The following FHIT variants were observed in gnomAD, a reference collection of about 807,000 sequenced individuals.
The protein encoded by FHIT is fragile histidine triad diadenosine triphosphatase, also known as bis(5'-adenosyl)-triphosphatase.
Under a neutral mutation model 17.9 loss-of-function variants are expected in FHIT, and 19 were observed. The ratio of observed to expected loss-of-function variants is 1.06; its 90% CI spans 0.74 to 1.56. FHIT has a LOEUF of 1.56. Among genes scored for constraint, FHIT ranks in the 40% most tolerant of loss-of-function variants. The pLI is 0.00. For synonymous variants in FHIT, 81 were observed against 69.7 expected (o/e 1.16, Z -0.81); for missense variants, 248 against 189.2 (o/e 1.31, Z -1.82).
At chr3:60,701,337 G>C (rs9878383) in intron 4 of FHIT, among the ~76,000 whole-genome samples, 17,679 of 151,932 alleles carry the variant, frequency 0.12, 2,274 homozygotes, top group African/African-American at 0.32. Flanking sequence ...TTCTCAAGAC[G>C]AGGGAACTGC....
chr3:59,798,102 A>G (rs1223766381), intron 8 of FHIT, among the ~76,000 whole-genome samples: 1 of 152,190 alleles, frequency 6.6e-6, no homozygotes, highest in Non-Finnish European at 1.5e-5. Context: ...CTACTGGGAA[A>G]CATGCCAGAA....
intron 5 of FHIT, among the ~76,000 whole-genome samples, chr3:60,143,761 T>A (rs1484199153): frequency 6.6e-6 from 1 of 152,146 alleles, no homozygotes; most frequent in Non-Finnish European, 1.5e-5. Context: ...ATTAACCTTG[T>A]TACTGTAATT....
At chr3:60,429,081 T>C (rs1254422868) in intron 5 of FHIT, among the ~76,000 whole-genome samples, 1 of 152,034 alleles carries the variant, frequency 6.6e-6, no homozygotes, top group Non-Finnish European at 1.5e-5. Flanking sequence ...GACCTAGTTA[T>C]CTCTTAGGAA....
intron 4 of FHIT, among the ~76,000 whole-genome samples, chr3:60,608,978 A>G (rs782623834): frequency 6.6e-6 from 1 of 151,974 alleles, no homozygotes; most frequent in African/African-American, 2.4e-5. Context: ...TGATTCAAAT[A>G]AATATTAAAT....
intron 1 of FHIT, among the ~76,000 whole-genome samples, chr3:61,237,552 G>C (rs1355302509): frequency 6.6e-6 from 1 of 152,132 alleles, no homozygotes; most frequent in Admixed American, 6.6e-5. Context: ...ATAGTACTAT[G>C]GGAAAGGTTT....
chr3:60,382,720 T>C (rs554905632), intron 5 of FHIT, among the ~76,000 whole-genome samples: 2 of 152,334 alleles, frequency 1.3e-5, no homozygotes, highest in Non-Finnish European at 2.9e-5. Flanking sequence ...AATTGTTTTT[T>C]GGATACTGTG....
At position 61,113,148 on chromosome 3, in the gene FHIT, C is replaced by T. The variant is rs561100125; in HGVS notation, c.-163-71049G>A. On this transcript the variant is annotated intron_variant, in intron 2 of 9. Transcript: ENST00000492590. ...CACCCCAAGTAACTGGGACTACAGG[C>T]GTGCACCACCAAGACTGACTAATGT... Among the ~76,000 whole-genome samples, 18 of 152,118 alleles carry T rather than the reference C, an allele frequency of 1.2e-4. No homozygotes were observed. The South Asian group carries it at 3.3e-3, about 28-fold the overall frequency.
In FHIT at chr3:60,806,803, G is replaced by C. The variant is rs535168476; in HGVS notation, c.-18+15116C>G. Among the ~76,000 whole-genome samples the C allele has an allele frequency of 9.2e-5, 14 of 152,284 alleles. No homozygotes were observed. In the South Asian group the frequency reaches 2.9e-3, roughly 32 times the overall value. ...GTAAAAGTTTGCTGTAATTCACATA[G>C]ACTTTGCCAGGAGTGCATAGAAGGA... On this transcript the variant is annotated intron_variant, in intron 4 of 9. Transcript: ENST00000492590.
At chr3:59,934,734 G>A (rs1706146364) in intron 7 of FHIT, among the ~76,000 whole-genome samples, 1 of 152,076 alleles carries the variant, frequency 6.6e-6, no homozygotes, top group Admixed American at 6.6e-5. Flanking sequence ...GGGGCAGCAA[G>A]GAGAAGAATG....
intron 2 of FHIT, among the ~76,000 whole-genome samples, chr3:61,174,166 T>A (rs1329387024): frequency 6.6e-6 from 1 of 152,118 alleles, no homozygotes; most frequent in African/African-American, 2.4e-5. Context: ...ATGGACTCAG[T>A]TTTTACATAT....
intron 1 of FHIT, among the ~76,000 whole-genome samples, chr3:61,231,905 C>T (rs766782540): frequency 6.6e-6 from 1 of 151,980 alleles, no homozygotes; most frequent in East Asian, 1.9e-4. Flanking sequence ...TTTTGTATGC[C>T]TATATTATTG....
At chr3:60,476,676 GGGAGCGAGACACACCTGACTGAAGTTT>G (rs1237626550) in intron 5 of FHIT, among the ~76,000 whole-genome samples, 6 of 152,122 alleles carry the variant, frequency 3.9e-5, no homozygotes, top group African/African-American at 1.4e-4. Flanking sequence ...CAAGGGCCTA[GGGAGCGAGACACACCTGACTGAAGTTT>G]GGTTGATTAT....
chr3:59,962,158 A>G lies in FHIT; in HGVS notation c.280-39744T>C, dbSNP rs116134969. The stretch of plus-strand genomic sequence containing the variant: ...CCTGACCATATCTATAACAAAAGGA[A>G]CTATGTCTTTAACGTATTTTTCTTG... On this transcript the variant is annotated intron_variant, in intron 7 of 9. Transcript: ENST00000492590. 4.7e-3 allele frequency among the ~76,000 whole-genome samples: 713 copies of G among 152,310 alleles called. 2 individuals are homozygous for G. Among genetic ancestry groups the G allele is most frequent in the Admixed American group, 6.9e-3 (105 of 15,302 alleles).
At chr3:59,857,708 T>TTTTTTTG (rs1335602923) in intron 8 of FHIT, among the ~76,000 whole-genome samples, 56 of 145,304 alleles carry the variant, frequency 3.9e-4, no homozygotes, top group Non-Finnish European at 4.4e-4. Flanking sequence ...GTGCTGGGTT[T>TTTTTTTG]TTTTTTTTTT....
At chr3:60,744,181 T>C (rs2042295710) in intron 4 of FHIT, among the ~76,000 whole-genome samples, 1 of 142,806 alleles carries the variant, frequency 7.0e-6, no homozygotes, top group Non-Finnish European at 1.5e-5. Flanking sequence ...AGCAGTCTAC[T>C]GACGAAAAAC....
intron 5 of FHIT, among the ~76,000 whole-genome samples, chr3:60,300,932 T>A (rs928778255): frequency 1.3e-5 from 2 of 151,908 alleles, no homozygotes; most frequent in Non-Finnish European, 2.9e-5. Context: ...ACCTGTACTG[T>A]AATAGTCATC....
intron 2 of FHIT, among the ~76,000 whole-genome samples, chr3:61,100,954 T>TA (rs548127082): frequency 7.9e-5 from 12 of 152,376 alleles, no homozygotes; most frequent in Admixed American, 4.6e-4. Context: ...AGATTCTGGA[T>TA]ATTAGCCCTT....
intron 3 of FHIT, among the ~76,000 whole-genome samples, chr3:61,039,342 C>T (rs1575888709): frequency 6.6e-6 from 1 of 152,132 alleles, no homozygotes; most frequent in Non-Finnish European, 1.5e-5. Context: ...CTTTAGACAT[C>T]GTGAAATCCT....
intron 5 of FHIT, among the ~76,000 whole-genome samples, chr3:60,108,986 G>C (rs1013635074): frequency 2.0e-5 from 3 of 152,078 alleles, no homozygotes; most frequent in Non-Finnish European, 4.4e-5. Flanking sequence ...TCTAAGATTT[G>C]AGTTCTCATT....
Sources: allele counts gnomAD v4.1 joint callset (sites outside exome capture counted in the v4.1 genomes callset), GRCh38; gene constraint gnomAD v4.1.1; transcripts MANE v1.5; gene names NCBI Gene and HGNC (gene_info 2026-07-23, HGNC 2026-07-21).